Variants in ADCY1 observed in about 807,000 individuals in gnomAD.
ADCY1 encodes the protein adenylate cyclase type 1.
In ADCY1, 28 loss-of-function variants were observed where a neutral mutation model predicts 105.4. That is an observed-to-expected ratio of 0.27 (90% confidence interval 0.20 to 0.36). ADCY1 has a LOEUF of 0.36. Ranked by LOEUF, ADCY1 falls within the 10% of genes least tolerant of loss-of-function variation. The probability of loss-of-function intolerance (pLI) is 1.00; values close to 1 mark genes in which losing one functional copy is unlikely to be tolerated. For missense variants in ADCY1, 977 were observed against 1,434.2 expected, an observed-to-expected ratio of 0.68 and a Z score of 5.15; for synonymous variants, 655 against 623.8, an observed-to-expected ratio of 1.05 and a Z score of -0.75.
chr7:45,605,202 T>A (rs1793341620), intron 2 of ADCY1, among the ~76,000 whole-genome samples: 2 of 152,194 alleles, frequency 1.3e-5, no homozygotes, highest in Admixed American at 6.5e-5. Flanking sequence ...AATTATTTGT[T>A]CTAGGAGTCT....
intron 1 of ADCY1, among the ~76,000 whole-genome samples, chr7:45,588,793 G>A (rs1047706723): frequency 6.6e-6 from 1 of 152,106 alleles, no homozygotes; most frequent in Non-Finnish European, 1.5e-5. Context: ...GGTGTTTCCA[G>A]GTGCTGGCTC....
rs929584985 is a variant in ADCY1, at chr7:45,686,145, A to G, written c.2257A>G (p.Met753Val). The G allele has an allele frequency of 1.2e-6, 2 of 1,614,168 alleles. No homozygotes were observed. Among genetic ancestry groups the G allele is most frequent in the South Asian group, 2.2e-5 (2 of 91,086 alleles). Residue 753 changes from methionine (M) to valine (V), a missense_variant, in exon 13 of 20, where the codon ATG becomes GTG. Met to Val is a conservative substitution (Grantham distance 21, BLOSUM62 1). This residue lies in a region of ADCY1 where 275 missense variants were observed against 362.1 expected (regional missense o/e 0.76). Transcript: ENST00000297323. This position sits in a 1 kb window ranked among gnomAD's most constrained non-coding sequence, Gnocchi z 4.3. ...IFFRVSSLPK[M>V]ILLSGLTTSY... ...TTTCCGGGTGTCCTCCTTGCCAAAA[A>G]TGATCCTGCTCTCCGGGCTCACCAC...
chr7:45,676,837 A>ATT (rs58708149), intron 8 of ADCY1, among the ~76,000 whole-genome samples: 12 of 131,166 alleles, frequency 9.1e-5, no homozygotes, highest in African/African-American at 1.9e-4. Context: ...GGGGCCACAG[A>ATT]TTTTTTTTTT....
chr7:45,634,061 A>G (rs142025403), intron 4 of ADCY1, among the ~76,000 whole-genome samples: 245 of 152,216 alleles, frequency 1.6e-3, no homozygotes, highest in African/African-American at 5.6e-3. Context: ...TCAAGGGCCA[A>G]CTGTACAATT....
At position 45,698,797 on chromosome 7, in the gene ADCY1, C is replaced by T. The variant is rs551789876; in HGVS notation, c.2455-4579C>T. 1.1e-4 allele frequency among the ~76,000 whole-genome samples: 16 copies of T among 152,310 alleles called. No individual in the cohort carries two copies. The East Asian group carries it at 2.7e-3, about 26-fold the overall frequency. On this transcript the variant is annotated intron_variant, in intron 14 of 19. Coordinates refer to ENST00000297323, the MANE Select transcript of ADCY1 (RefSeq NM_021116.4). ...TCCCCAGTGGGGAGCTGCGACCTCT[C>T]CCCATGCCTCACCCTCCTATCAAGC...
chr7:45,637,075 T>G (rs897906957), intron 4 of ADCY1, among the ~76,000 whole-genome samples: 1 of 152,374 alleles, frequency 6.6e-6, no homozygotes, highest in South Asian at 2.1e-4. Context: ...CTCACTGCCT[T>G]TATTGGCTTA....
At chr7:45,654,987 C>A (rs1040229351) in intron 5 of ADCY1, among the ~76,000 whole-genome samples, 6 of 152,146 alleles carry the variant, frequency 3.9e-5, no homozygotes, top group African/African-American at 1.2e-4. Context: ...CTGCTGCAGG[C>A]GTGTGTGTTG....
intron 3 of ADCY1, among the ~76,000 whole-genome samples, chr7:45,614,001 A>G (rs918677930): frequency 3.9e-5 from 6 of 152,248 alleles, no homozygotes; most frequent in African/African-American, 1.2e-4. Context: ...CTGCCTTACA[A>G]GCAAGGCAAA....
At chr7:45,663,483 G>C (rs577093854) in intron 8 of ADCY1, among the ~76,000 whole-genome samples, 1 of 152,180 alleles carries the variant, frequency 6.6e-6, no homozygotes, top group Non-Finnish European at 1.5e-5. Flanking sequence ...TCTAGGTGGC[G>C]GTGTTGCACA....
rs1266467984 is a variant in ADCY1 at position 45,574,774 on chromosome 7, G to C, written c.231G>C (p.Leu77=). The C allele has an allele frequency of 6.7e-7, 1 of 1,485,624 alleles. No individual in the cohort carries two copies. Among genetic ancestry groups the C allele is most frequent in the African/African-American group, 1.5e-5 (1 of 67,690 alleles). The allele number at this position is 1,485,624 out of a possible 1,614,324, so 92.0% of individuals were successfully genotyped here. Residue 77 remains leucine, a synonymous_variant, in exon 1 of 20, where the codon CTG becomes CTC. Transcript: ENST00000297323. The surrounding 1 kb of genome is among the most constrained non-coding windows in gnomAD (Gnocchi z 7.0). ...VLSLLAGALA[L]AELLGAPGPA... is the part of the protein sequence containing the mutation. ...GCCTGCTGGCGGGCGCGCTGGCGCT[G>C]GCCGAGCTGCTGGGCGCGCCGGGGC... is the stretch of plus-strand genomic sequence containing the variant.
chr7:45,660,461 C>T (rs1795064049), intron 7 of ADCY1, among the ~76,000 whole-genome samples: 1 of 152,224 alleles, frequency 6.6e-6, no homozygotes, highest in African/African-American at 2.4e-5. Flanking sequence ...CCTGGGCCTT[C>T]ACTGCCTCCC....
chr7:45,588,887 G>A (rs1316417581), intron 1 of ADCY1, among the ~76,000 whole-genome samples: 3 of 151,650 alleles, frequency 2.0e-5, no homozygotes, highest in Non-Finnish European at 4.4e-5. Flanking sequence ...GTGTGTGTGT[G>A]TGTGTGTATG....
chr7:45,633,670 C>T (rs933249023), intron 4 of ADCY1, among the ~76,000 whole-genome samples: 3 of 151,806 alleles, frequency 2.0e-5, no homozygotes, highest in Non-Finnish European at 2.9e-5. Flanking sequence ...GGTGTGGTGG[C>T]GGGCGCCCGT....
chr7:45,613,001 T>C (rs989877608), intron 3 of ADCY1, among the ~76,000 whole-genome samples: 1 of 152,020 alleles, frequency 6.6e-6, no homozygotes, highest in Admixed American at 6.6e-5. Flanking sequence ...TCCATGAAGA[T>C]TGGGAGAGGT....
At chr7:45,594,969 A>G (rs1182341577) in intron 2 of ADCY1, among the ~76,000 whole-genome samples, 3 of 152,288 alleles carry the variant, frequency 2.0e-5, no homozygotes, top group East Asian at 1.9e-4. Flanking sequence ...TACTGGTGTG[A>G]TAAGTGTGAT....
intron 10 of ADCY1, 71 bp from the exon 11 acceptor site, chr7:45,679,638 C>G: frequency 2.0e-6 from 3 of 1,519,796 alleles, no homozygotes; most frequent in Non-Finnish European, 2.7e-6. Flanking sequence ...GGGGCCAATT[C>G]TCAGCCATCT....
chr7:45,625,709 T>C (rs11767300), intron 4 of ADCY1, among the ~76,000 whole-genome samples: 60,805 of 151,754 alleles, frequency 0.4, 12,569 homozygotes, highest in East Asian at 0.71. Context: ...TGCATCTGTA[T>C]ATGCATGTAT....
chr7:45,584,850 G>A (rs7456393), intron 1 of ADCY1, among the ~76,000 whole-genome samples: 67,724 of 152,164 alleles, frequency 0.45, 15,540 homozygotes, highest in East Asian at 0.69. Context: ...GCATTATTGT[G>A]GTAAGCATGC....
At chr7:45,652,619 C>T (rs908189007) in intron 5 of ADCY1, among the ~76,000 whole-genome samples, 2 of 152,200 alleles carry the variant, frequency 1.3e-5, no homozygotes, top group Non-Finnish European at 2.9e-5. Context: ...CTAGGCCTCC[C>T]ACGCCTAGCA....
Sources: allele counts gnomAD v4.1 joint callset (sites outside exome capture counted in the v4.1 genomes callset), GRCh38; gene constraint gnomAD v4.1.1; regional missense constraint gnomAD v4.1.1; non-coding constraint Gnocchi (gnomAD v3.1); transcripts MANE v1.5; gene names NCBI Gene and HGNC (gene_info 2026-07-23, HGNC 2026-07-21).